Variants in DLG2 observed in about 807,000 individuals in gnomAD.
The protein encoded by DLG2 is discs large MAGUK scaffold protein 2.
A neutral mutation model predicts 132.5 loss-of-function variants in DLG2; 45 were observed. That is an observed-to-expected ratio of 0.34 (90% CI 0.27 to 0.44). The LOEUF is 0.44. Among genes scored for constraint, DLG2 ranks in the 20% least tolerant of loss-of-function variants. The pLI, the probability that DLG2 is intolerant of heterozygous loss-of-function variation, is 1.00. For synonymous variants in DLG2, 424 were observed against 419.6 expected (o/e 1.01, Z -0.13); for missense variants, 1,045 against 1,196.9 (o/e 0.87, Z 1.87).
At chr11:85,558,125 C>T (rs2077035717) in intron 3 of DLG2, among the ~76,000 whole-genome samples, 2 of 151,866 alleles carry the variant, frequency 1.3e-5, no homozygotes, top group South Asian at 4.2e-4. Flanking sequence ...CCAATAATCC[C>T]ATTAAGAAAC....
intron 3 of DLG2, among the ~76,000 whole-genome samples, chr11:85,323,272 TC>T (rs1361353156): frequency 6.6e-6 from 1 of 152,198 alleles, no homozygotes; most frequent in Admixed American, 6.5e-5. Flanking sequence ...CTCCAAAGGA[TC>T]TCTTTCCTAA....
intron 3 of DLG2, among the ~76,000 whole-genome samples, chr11:85,352,343 A>G (rs2083358172): frequency 6.6e-6 from 1 of 151,832 alleles, no homozygotes; most frequent in East Asian, 1.9e-4. Flanking sequence ...TATTTTGTTG[A>G]TCTTTTCAGA....
At chr11:83,810,371 A>G (rs1180572571) in intron 17 of DLG2, among the ~76,000 whole-genome samples, 1 of 152,142 alleles carries the variant, frequency 6.6e-6, no homozygotes, top group Admixed American at 6.5e-5. Flanking sequence ...GTATGTATAC[A>G]TGTATATATG....
intron 7 of DLG2, among the ~76,000 whole-genome samples, chr11:84,317,579 ATTATGAGATTC>A (rs1368502359): frequency 2.0e-5 from 3 of 152,222 alleles, no homozygotes; most frequent in Non-Finnish European, 4.4e-5. Flanking sequence ...AAGAGAACTT[ATTATGAGATTC>A]TTATGAGATT....
chr11:83,653,346 G>A (rs911770303), intron 18 of DLG2, among the ~76,000 whole-genome samples: 2 of 152,150 alleles, frequency 1.3e-5, no homozygotes, highest in Non-Finnish European at 2.9e-5. Flanking sequence ...CAAATAGACC[G>A]TCTTTCAAAT....
At chr11:83,968,559 T>C (rs796150485) in intron 12 of DLG2, among the ~76,000 whole-genome samples, 7 of 152,356 alleles carry the variant, frequency 4.6e-5, no homozygotes, top group African/African-American at 1.7e-4. Flanking sequence ...TAAACACATA[T>C]AGCCCATATT....
At chr11:83,717,364 A>G (rs1302662863) in intron 18 of DLG2, among the ~76,000 whole-genome samples, 1 of 152,252 alleles carries the variant, frequency 6.6e-6, no homozygotes, top group Non-Finnish European at 1.5e-5. Context: ...TCAAATAAAT[A>G]AAGACTCCTA....
At chr11:85,572,746 G>A (rs1326988025) in intron 3 of DLG2, among the ~76,000 whole-genome samples, 14 of 152,162 alleles carry the variant, frequency 9.2e-5, no homozygotes, top group Admixed American at 8.5e-4. Flanking sequence ...ACACATGCAC[G>A]CAACTCAAAC....
chr11:85,546,935 C>A (rs779353232), intron 3 of DLG2, among the ~76,000 whole-genome samples: 1 of 146,600 alleles, frequency 6.8e-6, no homozygotes, highest in Non-Finnish European at 1.5e-5. Context: ...TACAGCACAT[C>A]AATGGGTCTT....
rs902242451 is a variant in DLG2, at chr11:85,223,496, G to A, written c.186+61724C>T. 6.6e-5 allele frequency among the ~76,000 whole-genome samples: 10 copies of A among 152,064 alleles called. No individual in the cohort carries two copies. In the South Asian group the frequency reaches 8.3e-4, roughly 13 times the overall value. ...TAAAAAAAATTTATATATATATAGC[G>A]AGGCGTGCTGGTGCGTGCTTGTGGT... On this transcript the variant is annotated intron_variant, in intron 4 of 27. Transcript: ENST00000376104.
intron 10 of DLG2, among the ~76,000 whole-genome samples, chr11:84,067,248 C>T (rs925464278): frequency 2.0e-5 from 3 of 151,876 alleles, no homozygotes; most frequent in Non-Finnish European, 2.9e-5. Flanking sequence ...GCAGGAGAAT[C>T]GCTTGAACAC....
intron 6 of DLG2, among the ~76,000 whole-genome samples, chr11:85,053,758 C>G (rs1351139798): frequency 1.5e-5 from 2 of 136,878 alleles, no homozygotes; most frequent in Non-Finnish European, 3.0e-5. Flanking sequence ...GATGGTGCCA[C>G]TGCACTCCAG....
intron 2 of DLG2, among the ~76,000 whole-genome samples, chr11:85,613,154 G>T (rs1032487640): frequency 7.2e-5 from 11 of 152,170 alleles, no homozygotes; most frequent in Admixed American, 2.0e-4. Context: ...TAGGTCCCAT[G>T]GCAGCCATCT....
At chr11:84,774,909 G>C (rs566433138) in intron 6 of DLG2, among the ~76,000 whole-genome samples, 10 of 151,856 alleles carry the variant, frequency 6.6e-5, no homozygotes, top group African/African-American at 2.4e-4. Context: ...AAAAGCAACC[G>C]CAATAAAAAG....
intron 6 of DLG2, among the ~76,000 whole-genome samples, chr11:84,802,307 T>C (rs2075489886): frequency 6.6e-6 from 1 of 151,854 alleles, no homozygotes; most frequent in Non-Finnish European, 1.5e-5. Flanking sequence ...GATAATGTAA[T>C]AAAGGGAGGT....
At chr11:85,039,593 C>A (rs1487330780) in intron 6 of DLG2, among the ~76,000 whole-genome samples, 1 of 151,754 alleles carries the variant, frequency 6.6e-6, no homozygotes, top group Non-Finnish European at 1.5e-5. Flanking sequence ...TAATAAAGTC[C>A]TAAGCATGGT....
intron 6 of DLG2, among the ~76,000 whole-genome samples, chr11:85,108,071 A>G (rs1307769645): frequency 6.6e-6 from 1 of 151,642 alleles, no homozygotes; most frequent in Non-Finnish European, 1.5e-5. Context: ...AGCCATTTTC[A>G]AGGCAATATG....
At chr11:84,241,440 A>G (rs559430706) in intron 8 of DLG2, among the ~76,000 whole-genome samples, 1 of 152,322 alleles carries the variant, frequency 6.6e-6, no homozygotes, top group South Asian at 2.1e-4. Context: ...GCATAATTTA[A>G]GCTGAACCCT....
At position 84,511,979 on chromosome 11, in the gene DLG2, C is replaced by T. The variant is rs180931037; in HGVS notation, c.519+22591G>A. Among the ~76,000 whole-genome samples, 28 of 152,174 alleles carry T rather than the reference C, an allele frequency of 1.8e-4. No individual in the cohort carries two copies. In the East Asian group the frequency reaches 3.5e-3, roughly 19 times the overall value. On this transcript the variant is annotated intron_variant, in intron 7 of 27. Coordinates refer to ENST00000376104, the MANE Select transcript of DLG2 (RefSeq NM_001142699.3). Reference sequence around the variant, plus strand: ...TGAGACTAAGAACAATTAGGTAACACGCTCGAGGTCACATACCTAGCAAAC... The same window carrying T: ...TGAGACTAAGAACAATTAGGTAACATGCTCGAGGTCACATACCTAGCAAAC...
Sources: allele counts gnomAD v4.1 joint callset (sites outside exome capture counted in the v4.1 genomes callset), GRCh38; gene constraint gnomAD v4.1.1; transcripts MANE v1.5; gene names NCBI Gene and HGNC (gene_info 2026-07-23, HGNC 2026-07-21).